FAM117B: variants seen among roughly 807,000 people sequenced by gnomAD.
FAM117B encodes family with sequence similarity 117 member B.
Under a neutral mutation model 52.8 loss-of-function variants are expected in FAM117B, and 22 were observed. That is an observed-to-expected ratio of 0.42 (90% CI 0.30 to 0.59). The LOEUF (loss-of-function observed/expected upper bound fraction) is 0.59. FAM117B is among the 20% of genes least tolerant of loss of function. FAM117B has a pLI of 0.22. For missense variants in FAM117B, 678 were observed against 802.6 expected, an observed-to-expected ratio of 0.84 and a Z score of 1.88; for synonymous variants, 309 against 324.1, an observed-to-expected ratio of 0.95 and a Z score of 0.50.
At chr2:202,754,863 C>T (rs1047120545) in intron 4 of FAM117B, among the ~76,000 whole-genome samples, 2 of 117,554 alleles carry the variant, frequency 1.7e-5, no homozygotes, top group Non-Finnish European at 3.3e-5. Flanking sequence ...GTGCTCCAAC[C>T]TGGGTGACAG....
intron 2 of FAM117B, among the ~76,000 whole-genome samples, chr2:202,701,981 T>G (rs934773928): frequency 6.6e-6 from 1 of 152,158 alleles, no homozygotes; most frequent in East Asian, 1.9e-4. Flanking sequence ...GTCACCAATT[T>G]TGAGAGAAAT....
At chr2:202,719,307 C>A (rs1316809797) in intron 2 of FAM117B, among the ~76,000 whole-genome samples, 1 of 152,136 alleles carries the variant, frequency 6.6e-6, no homozygotes, top group Non-Finnish European at 1.5e-5. Context: ...TTACTCTCAT[C>A]ATCTTTAATT....
Position 202,724,918 on chromosome 2 carries a change from CAG to C in FAM117B, c.760_761del (p.Ser254CysfsTer4). The C allele has an allele frequency of 1.2e-6, 2 of 1,600,344 alleles. No homozygotes were observed. The highest frequency in any genetic ancestry group is 1.7e-6 in the Non-Finnish European group (2 of 1,172,804). Reference sequence around the variant, plus strand: ...ACCTCCCCTCTTTTTTCATTACAGACAGAGAGTGCATGGGCTGAAGAATACTC... The same window carrying C: ...ACCTCCCCTCTTTTTTCATTACAGACAGAGTGCATGGGCTGAAGAATACTC... On this transcript the variant is annotated frameshift_variant and splice_region_variant, in exon 3 of 8. Coordinates refer to ENST00000392238, the MANE Select transcript of FAM117B (RefSeq NM_173511.4). LOFTEE classifies it high-confidence loss of function.
chr2:202,694,071 A>G (rs1264033149), intron 1 of FAM117B, among the ~76,000 whole-genome samples: 1 of 152,124 alleles, frequency 6.6e-6, no homozygotes, highest in African/African-American at 2.4e-5. Context: ...AAAATTATAC[A>G]TAGATTTATT....
intron 3 of FAM117B, 108 bp from the exon 4 acceptor site, chr2:202,726,142 T>C: frequency 1.5e-6 from 1 of 682,240 alleles, no homozygotes; most frequent in Non-Finnish European, 2.5e-6. Flanking sequence ...GGTTCAAAAA[T>C]TCAAAGGACT....
intron 1 of FAM117B, among the ~76,000 whole-genome samples, chr2:202,668,826 C>T (rs964420939): frequency 2.0e-5 from 3 of 152,076 alleles, no homozygotes; most frequent in Non-Finnish European, 4.4e-5. Flanking sequence ...TGAGAATACT[C>T]AGTCCAAGAG....
At chr2:202,694,842 G>A (rs973903624) in intron 1 of FAM117B, among the ~76,000 whole-genome samples, 1 of 152,048 alleles carries the variant, frequency 6.6e-6, no homozygotes, top group Non-Finnish European at 1.5e-5. Context: ...TGAAGATTGA[G>A]GAATAAGATG....
At chr2:202,644,068 T>TTG (rs1689818535) in intron 1 of FAM117B, among the ~76,000 whole-genome samples, 1 of 144,636 alleles carries the variant, frequency 6.9e-6, no homozygotes, top group African/African-American at 2.6e-5. Context: ...TTTTTTGTTT[T>TTG]TTTTTTTTTT....
chr2:202,711,229 C>T lies in FAM117B; in HGVS notation c.754-13688C>T, dbSNP rs114342877. Among the ~76,000 whole-genome samples the T allele has an allele frequency of 8.5e-3, 1,286 of 152,066 alleles. 22 individuals carry two copies. Among genetic ancestry groups the T allele is most frequent in the African/African-American group, 0.029 (1,216 of 41,474 alleles). On this transcript the variant is annotated intron_variant, in intron 2 of 7. Transcript: ENST00000392238. Reference sequence around the variant, plus strand: ...CATCCTTGCCAGTATTTGTTATTGCCCGGCTTTTGGATAAAAACCATTTTA... The same window carrying T: ...CATCCTTGCCAGTATTTGTTATTGCTCGGCTTTTGGATAAAAACCATTTTA...
At chr2:202,735,600 C>T (rs1404130769) in intron 4 of FAM117B, among the ~76,000 whole-genome samples, 1 of 152,078 alleles carries the variant, frequency 6.6e-6, no homozygotes, top group African/African-American at 2.4e-5. Flanking sequence ...CCCCAAATGA[C>T]AAAACCGTCA....
At chr2:202,699,296 G>A (rs544989292) in intron 2 of FAM117B, among the ~76,000 whole-genome samples, 5 of 151,082 alleles carry the variant, frequency 3.3e-5, no homozygotes, top group Non-Finnish European at 5.9e-5. Context: ...GCGTGGTGGC[G>A]TGCACCTGTA....
At chr2:202,747,146 T>C (rs1691647246) in intron 4 of FAM117B, among the ~76,000 whole-genome samples, 1 of 152,174 alleles carries the variant, frequency 6.6e-6, no homozygotes. Flanking sequence ...ATAAATGTGA[T>C]ATATCACATC....
chr2:202,637,175 G>A (rs1406805849), intron 1 of FAM117B, among the ~76,000 whole-genome samples: 2 of 151,974 alleles, frequency 1.3e-5, no homozygotes, highest in Non-Finnish European at 2.9e-5. Context: ...GGGATTACAG[G>A]CATGCGCCAC....
intron 2 of FAM117B, among the ~76,000 whole-genome samples, chr2:202,703,795 G>A (rs185906787): frequency 1.3e-5 from 2 of 152,288 alleles, no homozygotes; most frequent in East Asian, 1.9e-4. Flanking sequence ...GCAAGTATCT[G>A]TGTGAATCCC....
intron 1 of FAM117B, among the ~76,000 whole-genome samples, chr2:202,653,895 GCTA>G (rs1384708991): frequency 1.3e-5 from 2 of 152,100 alleles, no homozygotes; most frequent in Admixed American, 1.3e-4. Context: ...TTTCAAGTAT[GCTA>G]CTATTCAACC....
intron 1 of FAM117B, among the ~76,000 whole-genome samples, chr2:202,641,335 T>G (rs931645083): frequency 2.0e-5 from 3 of 152,122 alleles, no homozygotes; most frequent in Admixed American, 2.0e-4. Flanking sequence ...TAATAGGGTG[T>G]TGGGATGGGG....
intron 1 of FAM117B, among the ~76,000 whole-genome samples, chr2:202,690,769 TGTCA>T (rs1327203354): frequency 1.8e-4 from 27 of 152,204 alleles, no homozygotes; most frequent in African/African-American, 6.3e-4. Flanking sequence ...TCTTGTTAGC[TGTCA>T]GTTTCTTACC....
chr2:202,744,977 A>AG (rs1691609089), intron 4 of FAM117B, among the ~76,000 whole-genome samples: 1 of 34,698 alleles, frequency 2.9e-5, no homozygotes, highest in Non-Finnish European at 8.5e-5. Context: ...ACTCTGTCTC[A>AG]AAAAAAAAAA....
intron 1 of FAM117B, among the ~76,000 whole-genome samples, chr2:202,644,342 C>T (rs1310406280): frequency 6.6e-6 from 1 of 151,930 alleles, no homozygotes; most frequent in Non-Finnish European, 1.5e-5. Flanking sequence ...TTCTATGTAC[C>T]TATCACAAAT....
Sources: allele counts gnomAD v4.1 joint callset (sites outside exome capture counted in the v4.1 genomes callset), GRCh38; gene constraint gnomAD v4.1.1; transcripts MANE v1.5; gene names NCBI Gene and HGNC (gene_info 2026-07-23, HGNC 2026-07-21).